The following ZNF362 variants were observed in gnomAD, a reference collection of about 807,000 sequenced individuals.
ZNF362 encodes the protein zinc finger protein 362, also known as rotund homolog.
Under a neutral mutation model 42.9 loss-of-function variants are expected in ZNF362, and 11 were observed. That is an observed-to-expected ratio of 0.26 (90% CI 0.16 to 0.42). The LOEUF is 0.42. Ranked by LOEUF, ZNF362 falls within the 20% of genes least tolerant of loss-of-function variation. ZNF362 has a pLI of 1.00. For missense variants in ZNF362, 362 were observed against 576.2 expected (o/e 0.63, Z 3.81); for synonymous variants, 255 against 257.3 (o/e 0.99, Z 0.09).
the ZNF362 span, among the ~76,000 whole-genome samples, chr1:33,250,623 C>A: frequency 1.3e-5 from 2 of 152,004 alleles, no homozygotes; most frequent in African/African-American, 2.4e-5. Context: ...GGAAGAAGAG[C>A]TAATGGATGC....
chr1:33,224,367 A>T, the ZNF362 span, among the ~76,000 whole-genome samples: 110 of 152,342 alleles, frequency 7.2e-4, 1 homozygote, highest in African/African-American at 2.2e-3. Context: ...GTGAACTGGA[A>T]ATAGATCAAA....
At chr1:33,161,199 A>G in the ZNF362 span, among the ~76,000 whole-genome samples, 2 of 152,254 alleles carry the variant, frequency 1.3e-5, no homozygotes, top group Non-Finnish European at 2.9e-5. The surrounding 1 kb of genome is among the most constrained non-coding windows in gnomAD (Gnocchi z 4.3). Flanking sequence ...TGCAATTCTA[A>G]TAAGCGTTTC....
chr1:33,289,836 T>G (rs1423582360), intron 6 of ZNF362, among the ~76,000 whole-genome samples: 1 of 152,104 alleles, frequency 6.6e-6, no homozygotes, highest in Non-Finnish European at 1.5e-5. Context: ...TAAGTACCCA[T>G]GCAGAGACTT....
chr1:33,275,413 A>T (rs1025393584), intron 2 of ZNF362: 2 of 983,320 alleles, frequency 2.0e-6, no homozygotes, highest in Non-Finnish European at 2.4e-6. Context: ...AGCCCCCTCC[A>T]TAACCACAGC....
At chr1:33,224,267 G>T in the ZNF362 span, among the ~76,000 whole-genome samples, 1 of 152,238 alleles carries the variant, frequency 6.6e-6, no homozygotes, top group South Asian at 2.1e-4. Context: ...TATCAAAAAT[G>T]AACTCTAGAA....
the ZNF362 span, chr1:33,147,089 T>A: frequency 1.4e-5 from 21 of 1,465,128 alleles, no homozygotes; most frequent in Non-Finnish European, 1.9e-5. The surrounding 1 kb of genome is among the most constrained non-coding windows in gnomAD (Gnocchi z 8.1). Context: ...GTGGCCACGG[T>A]GGGCTGGAGT....
At chr1:33,170,285 C>T in the ZNF362 span, among the ~76,000 whole-genome samples, 1 of 150,922 alleles carries the variant, frequency 6.6e-6, no homozygotes. Flanking sequence ...GATCGTGCCA[C>T]TGCACTCCAG....
At chr1:33,249,892 T>C in the ZNF362 span, among the ~76,000 whole-genome samples, 1 of 152,168 alleles carries the variant, frequency 6.6e-6, no homozygotes, top group East Asian at 1.9e-4. Context: ...ATCCTTAATT[T>C]GCAGAGACAG....
chr1:33,235,533 G>C, the ZNF362 span, among the ~76,000 whole-genome samples: 1 of 152,138 alleles, frequency 6.6e-6, no homozygotes, highest in Non-Finnish European at 1.5e-5. Context: ...CATTCTTCAG[G>C]GATACTTGCT....
the ZNF362 span, among the ~76,000 whole-genome samples, chr1:33,169,926 G>T: frequency 6.6e-6 from 1 of 152,110 alleles, no homozygotes; most frequent in Non-Finnish European, 1.5e-5. Flanking sequence ...CAGATCAAAT[G>T]TCACCTCCCC....
chr1:33,219,718 G>T, the ZNF362 span, among the ~76,000 whole-genome samples: 1 of 152,218 alleles, frequency 6.6e-6, no homozygotes, highest in African/African-American at 2.4e-5. Context: ...AGTTTGAGGT[G>T]CTGGAGGGAC....
At chr1:33,289,499 G>A (rs945604714) in intron 6 of ZNF362, among the ~76,000 whole-genome samples, 1 of 152,156 alleles carries the variant, frequency 6.6e-6, no homozygotes, top group African/African-American at 2.4e-5. Context: ...GCACGTGCAT[G>A]GGAGGAGGCC....
chr1:33,259,451 C>T (rs1645815176), intron 1 of ZNF362, among the ~76,000 whole-genome samples: 1 of 152,190 alleles, frequency 6.6e-6, no homozygotes, highest in Non-Finnish European at 1.5e-5. Context: ...TGGCCCTAGC[C>T]CTTCCCTGGG....
the ZNF362 span, chr1:33,146,838 C>T: frequency 2.8e-6 from 1 of 352,168 alleles, no homozygotes. Flanking sequence ...TTCCTGAGGT[C>T]AGGGCTGGGC....
chr1:33,181,459 C>T, the ZNF362 span: 1 of 1,565,618 alleles, frequency 6.4e-7, no homozygotes, highest in Non-Finnish European at 8.6e-7. The surrounding 1 kb of genome is among the most constrained non-coding windows in gnomAD (Gnocchi z 6.5). Context: ...GAGAGGGGGG[C>T]CCGAGGGGCA....
chr1:33,148,089 T>C, the ZNF362 span, among the ~76,000 whole-genome samples: 13 of 152,120 alleles, frequency 8.5e-5, no homozygotes, highest in Non-Finnish European at 1.3e-4. Context: ...GATGATCCAG[T>C]TGCTACTGCC....
the ZNF362 span, among the ~76,000 whole-genome samples, chr1:33,247,188 T>C: frequency 6.6e-6 from 1 of 152,230 alleles, no homozygotes; most frequent in Non-Finnish European, 1.5e-5. Flanking sequence ...TGGATTTCTA[T>C]TTCTAGCAAC....
the ZNF362 span, chr1:33,181,598 C>G: frequency 7.8e-7 from 1 of 1,285,658 alleles, no homozygotes; most frequent in East Asian, 2.9e-5. This position sits in a 1 kb window ranked among gnomAD's most constrained non-coding sequence, Gnocchi z 6.5. Flanking sequence ...AGGAGGGTAA[C>G]GCGAGGAAGG....
chr1:33,297,511 C>CTT (rs776504622), intron 8 of ZNF362, among the ~76,000 whole-genome samples: 3 of 78,904 alleles, frequency 3.8e-5, no homozygotes, highest in African/African-American at 6.6e-5. Flanking sequence ...TACATGATTC[C>CTT]TCTTTTTTTT....
Sources: gnomAD v4.1 joint callset for allele counts (sites outside exome capture counted in the v4.1 genomes callset) on GRCh38, gnomAD v4.1.1 for gene constraint, Gnocchi (gnomAD v3.1) non-coding constraint, MANE v1.5 for transcripts, NCBI Gene and HGNC (gene_info 2026-07-23, HGNC 2026-07-21) for gene names.